ARID2: variants seen among roughly 807,000 people sequenced by gnomAD.
ARID2 encodes AT-rich interactive domain-containing protein 2.
A neutral mutation model predicts 184.6 loss-of-function variants in ARID2; 32 were observed. The observed-to-expected ratio is 0.17, with a 90% CI of 0.13 to 0.23. ARID2 has a LOEUF of 0.23. Among genes scored for constraint, ARID2 ranks in the 10% least tolerant of loss-of-function variants. The pLI, the probability that ARID2 is intolerant of heterozygous loss-of-function variation, is 1.00. For synonymous variants in ARID2, 836 were observed against 772.6 expected (o/e 1.08, Z -1.36); for missense variants, 1,696 against 2,197.6 (o/e 0.77, Z 4.56).
chr12:45,740,385 T>C (rs1941227044), intron 3 of ARID2, among the ~76,000 whole-genome samples: 1 of 152,112 alleles, frequency 6.6e-6, no homozygotes, highest in African/African-American at 2.4e-5. Flanking sequence ...CACATTTGGT[T>C]TACATTTTTC....
intron 16 of ARID2, among the ~76,000 whole-genome samples, chr12:45,868,977 C>T (rs755417944): frequency 9.3e-5 from 14 of 151,292 alleles, no homozygotes; most frequent in Non-Finnish European, 1.8e-4. Context: ...ATTTATTTCT[C>T]GAGATTGCCA....
rs1944551100 is a variant in ARID2, at chr12:45,907,874, T to C, written c.*2796T>C. 1 of 231,678 alleles carries C rather than the reference T, an allele frequency of 4.3e-6. No homozygotes were observed. Among genetic ancestry groups the C allele is most frequent in the Non-Finnish European group, 8.5e-6 (1 of 117,014 alleles). 14.4% of individuals were successfully genotyped at this position (231,678 alleles called of 1,614,324 possible). On this transcript the variant is annotated 3_prime_UTR_variant, in exon 21 of 21. Transcript: ENST00000334344. Reference sequence around the variant, plus strand: ...TTAAGTAACAAAATTGATAATCATATAGCGAAGGCATATTTTTCTTCCAAG... The same window carrying C: ...TTAAGTAACAAAATTGATAATCATACAGCGAAGGCATATTTTTCTTCCAAG...
intron 16 of ARID2, among the ~76,000 whole-genome samples, chr12:45,890,370 A>G (rs1266148696): frequency 6.6e-6 from 1 of 152,254 alleles, no homozygotes. Flanking sequence ...AATAGTGAGT[A>G]GTAGTACATT....
At chr12:45,729,965 C>CCGGGGCGAA in intron 1 of ARID2, 37 bp downstream of exon 1, 1 of 1,603,686 alleles carries the variant, frequency 6.2e-7, no homozygotes, top group Non-Finnish European at 8.5e-7. Context: ...CCGGGGCGAG[C>CCGGGGCGAA]CGGGGCGAAC....
chr12:45,752,636 C>T (rs1468669582), intron 3 of ARID2, among the ~76,000 whole-genome samples: 1 of 152,138 alleles, frequency 6.6e-6, no homozygotes, highest in African/African-American at 2.4e-5. Flanking sequence ...GTCCTTCTGC[C>T]TCACTCTCCT....
intron 16 of ARID2, among the ~76,000 whole-genome samples, chr12:45,863,589 T>G (rs1394233544): frequency 1.3e-5 from 2 of 151,872 alleles, no homozygotes; most frequent in African/African-American, 4.8e-5. Context: ...ACTGTCTCTT[T>G]TTAAAAAAAA....
intron 3 of ARID2, among the ~76,000 whole-genome samples, chr12:45,810,785 A>G (rs1235437611): frequency 6.6e-6 from 1 of 152,220 alleles, no homozygotes; most frequent in African/African-American, 2.4e-5. Flanking sequence ...TATAATGACC[A>G]TGTATAATTT....
chr12:45,820,950 AAGG>A (rs1942884336), intron 5 of ARID2, among the ~76,000 whole-genome samples: 1 of 152,126 alleles, frequency 6.6e-6, no homozygotes, highest in African/African-American at 2.4e-5. Context: ...ATTTTCCTTA[AAGG>A]AGATTTATGG....
chr12:45,873,698 ATACTG>A (rs1943961287), intron 16 of ARID2, among the ~76,000 whole-genome samples: 1 of 152,250 alleles, frequency 6.6e-6, no homozygotes, highest in African/African-American at 2.4e-5. Flanking sequence ...TGTTTACACT[ATACTG>A]TAGTTAATTA....
At chr12:45,827,666 T>C (rs1272399935) in intron 6 of ARID2, among the ~76,000 whole-genome samples, 1 of 152,118 alleles carries the variant, frequency 6.6e-6, no homozygotes, top group Non-Finnish European at 1.5e-5. Context: ...AAGGCTTCCC[T>C]CAGGAGGTAA....
rs1312278812 is a variant in ARID2 at position 45,888,194 on chromosome 12, C to CAA, written c.4923-3572_4923-3571dup. On this transcript the variant is annotated intron_variant, in intron 16 of 20. Coordinates refer to ENST00000334344, the MANE Select transcript of ARID2 (RefSeq NM_152641.4). ...TGGGTGACAGAGCGAGACTCCGTCTCAAAAAAAAAAAAAAAGCTCTAATGA... is the reference window on the plus strand; with the variant it reads ...TGGGTGACAGAGCGAGACTCCGTCTCAAAAAAAAAAAAAAAAAGCTCTAATGA... 5.1e-4 allele frequency among the ~76,000 whole-genome samples: 50 copies of CAA among 97,784 alleles called. No individual in the cohort carries two copies. The South Asian group carries it at 9.5e-3, about 19-fold the overall frequency. The allele number at this position is 97,784 out of a possible 152,430, so 64.2% of individuals were successfully genotyped here.
At chr12:45,877,091 C>CAAA (rs35277117) in intron 16 of ARID2, among the ~76,000 whole-genome samples, 2 of 57,470 alleles carry the variant, frequency 3.5e-5, no homozygotes, top group South Asian at 9.7e-4. Flanking sequence ...GACTCCATCT[C>CAAA]AAAAAAAAAA....
At chr12:45,800,721 T>A (rs1024273484) in intron 3 of ARID2, among the ~76,000 whole-genome samples, 1 of 152,036 alleles carries the variant, frequency 6.6e-6, no homozygotes, top group Non-Finnish European at 1.5e-5. Context: ...AAGCCTGGAA[T>A]ATCTTATTGT....
At chr12:45,866,657 GTCAATTTTTAT>G (rs1056406624) in intron 16 of ARID2, among the ~76,000 whole-genome samples, 5 of 152,074 alleles carry the variant, frequency 3.3e-5, no homozygotes, top group African/African-American at 1.2e-4. Context: ...CAAAAAGACT[GTCAATTTTTAT>G]TCTTTTGTTA....
chr12:45,752,803 A>C (rs1477705466), intron 3 of ARID2, among the ~76,000 whole-genome samples: 1 of 152,196 alleles, frequency 6.6e-6, no homozygotes, highest in African/African-American at 2.4e-5. Flanking sequence ...GCCAAGGCTG[A>C]TTTTTCTTAA....
chr12:45,751,431 CTT>C (rs1378369314), intron 3 of ARID2, among the ~76,000 whole-genome samples: 2 of 152,120 alleles, frequency 1.3e-5, no homozygotes, highest in Non-Finnish European at 2.9e-5. Flanking sequence ...TCTGGAAGAT[CTT>C]TGCATCTACT....
At chr12:45,879,090 G>A (rs1400003991) in intron 16 of ARID2, among the ~76,000 whole-genome samples, 1 of 152,156 alleles carries the variant, frequency 6.6e-6, no homozygotes, top group Non-Finnish European at 1.5e-5. Context: ...TGATACAGTG[G>A]TAAGGTAATG....
At chr12:45,817,987 A>G in intron 5 of ARID2, 99 bp downstream of exon 5, 1 of 860,422 alleles carries the variant, frequency 1.2e-6, no homozygotes, top group South Asian at 2.2e-5. Flanking sequence ...ACATAATAGC[A>G]TTCTTTATTT....
intron 3 of ARID2, among the ~76,000 whole-genome samples, chr12:45,769,850 CA>C (rs1398520812): frequency 6.6e-6 from 1 of 152,098 alleles, no homozygotes; most frequent in Non-Finnish European, 1.5e-5. Context: ...GCCTTCTTAT[CA>C]GAAAGAATGG....
Sources: gnomAD v4.1 joint callset for allele counts (sites outside exome capture counted in the v4.1 genomes callset) on GRCh38, gnomAD v4.1.1 for gene constraint, MANE v1.5 for transcripts, NCBI Gene and HGNC (gene_info 2026-07-23, HGNC 2026-07-21) for gene names.